LRMDA: variants seen among roughly 807,000 people sequenced by gnomAD.
LRMDA encodes leucine-rich melanocyte differentiation-associated protein.
Under a neutral mutation model 29.8 loss-of-function variants are expected in LRMDA, and 18 were observed. The ratio of observed to expected loss-of-function variants is 0.60; its 90% CI spans 0.42 to 0.90. The LOEUF (loss-of-function observed/expected upper bound fraction) is 0.90. Ranked by LOEUF, LRMDA falls within the 40% of genes least tolerant of loss-of-function variation. LRMDA has a pLI of 0.00. For missense variants in LRMDA, 273 were observed against 273.9 expected (o/e 1.00, Z 0.02); for synonymous variants, 125 against 109.4 (o/e 1.14, Z -0.89).
chr10:75,511,769 C>A (rs1845228395), intron 2 of LRMDA, among the ~76,000 whole-genome samples: 1 of 152,218 alleles, frequency 6.6e-6, no homozygotes, highest in Admixed American at 6.5e-5. Context: ...CTGTTCCCTT[C>A]ATATGAGGCA....
In LRMDA at chr10:76,542,266, C is replaced by A. The variant is rs1384703735; in HGVS notation, c.602-14943C>A. Among the ~76,000 whole-genome samples, 4 of 152,090 alleles carry A rather than the reference C, an allele frequency of 2.6e-5. No individual in the cohort carries two copies. The East Asian group carries it at 7.7e-4, about 29-fold the overall frequency. On this transcript the variant is annotated intron_variant, in intron 6 of 6. Transcript: ENST00000611255. Reference sequence around the variant, plus strand: ...TATACAGATGTAAATGTTATTATAGCTTTTATATTTTATGTTCTTGTTGAA... The same window carrying A: ...TATACAGATGTAAATGTTATTATAGATTTTATATTTTATGTTCTTGTTGAA...
At chr10:76,260,026 C>T (rs1460782902) in intron 5 of LRMDA, among the ~76,000 whole-genome samples, 1 of 151,650 alleles carries the variant, frequency 6.6e-6, no homozygotes, top group Non-Finnish European at 1.5e-5. Context: ...TTTTTTTAAA[C>T]CCATTCATCC....
At chr10:76,485,340 A>C (rs1188180886) in intron 6 of LRMDA, among the ~76,000 whole-genome samples, 1 of 151,920 alleles carries the variant, frequency 6.6e-6, no homozygotes, top group Non-Finnish European at 1.5e-5. Context: ...AGTTTGTAAT[A>C]CACGTTTACA....
chr10:75,607,099 A>G (rs901663623), intron 2 of LRMDA, among the ~76,000 whole-genome samples: 1 of 152,232 alleles, frequency 6.6e-6, no homozygotes, highest in Admixed American at 6.5e-5. Context: ...ATCAAAGTCT[A>G]CAATAGAAAT....
chr10:76,434,767 T>A (rs1198475178), intron 6 of LRMDA, among the ~76,000 whole-genome samples: 2 of 152,218 alleles, frequency 1.3e-5, no homozygotes, highest in African/African-American at 2.4e-5. Flanking sequence ...GGATGGTAAG[T>A]GATCTGTGAT....
intron 2 of LRMDA, among the ~76,000 whole-genome samples, chr10:75,487,108 A>G (rs947797712): frequency 6.6e-6 from 1 of 152,230 alleles, no homozygotes; most frequent in Non-Finnish European, 1.5e-5. Context: ...TGATAAATCA[A>G]ATGATGTGTG....
chr10:75,796,366 C>T (rs1814314811), intron 2 of LRMDA, among the ~76,000 whole-genome samples: 1 of 152,102 alleles, frequency 6.6e-6, no homozygotes, highest in Non-Finnish European at 1.5e-5. Context: ...CCTTATATTC[C>T]TAGTTTATCA....
chr10:75,636,433 G>A (rs903381374), intron 2 of LRMDA, among the ~76,000 whole-genome samples: 2 of 152,088 alleles, frequency 1.3e-5, no homozygotes, highest in African/African-American at 2.4e-5. Flanking sequence ...AGAGAATGAG[G>A]TAATGCATTT....
rs116935044 is a variant in LRMDA at position 75,895,367 on chromosome 10, G to T, written c.132-140641G>T. On this transcript the variant is annotated intron_variant, in intron 2 of 6. Coordinates refer to ENST00000611255, the MANE Select transcript of LRMDA (RefSeq NM_001305581.2). The stretch of plus-strand genomic sequence containing the variant: ...TGATTGAGCCCTCACTATATGCCAT[G>T]TGCTGTCCTTTACATCTATCATCTT... Among the ~76,000 whole-genome samples, 45 of 152,298 alleles carry T rather than the reference G, an allele frequency of 3.0e-4. No individual in the cohort carries two copies. The East Asian group carries it at 8.5e-3, about 29-fold the overall frequency.
At chr10:75,768,124 T>A (rs1843192971) in intron 2 of LRMDA, among the ~76,000 whole-genome samples, 1 of 152,224 alleles carries the variant, frequency 6.6e-6, no homozygotes, top group African/African-American at 2.4e-5. Flanking sequence ...TTTGTTGTTT[T>A]AAGCCACCAA....
chr10:76,202,472 G>A (rs1851451113), intron 5 of LRMDA, among the ~76,000 whole-genome samples: 1 of 152,028 alleles, frequency 6.6e-6, no homozygotes, highest in African/African-American at 2.4e-5. Context: ...CTCCTTGTCA[G>A]GTTTCCCTTT....
At position 75,439,568 on chromosome 10, in the gene LRMDA, G is replaced by A. The variant is rs77718066; in HGVS notation, c.131+1074G>A. On this transcript the variant is annotated intron_variant, in intron 2 of 6. Coordinates refer to ENST00000611255, the MANE Select transcript of LRMDA (RefSeq NM_001305581.2). ...GAGGATTTGTTTGAGGTCAGCCAGC[G>A]GAACTCCTTGGATGCTGCTCGGGAG... is the stretch of plus-strand genomic sequence containing the variant. Among the ~76,000 whole-genome samples, 644 of 152,276 alleles carry A rather than the reference G, an allele frequency of 4.2e-3. 8 individuals are homozygous for A. Among genetic ancestry groups the A allele is most frequent in the African/African-American group, 0.015 (621 of 41,550 alleles).
At chr10:75,853,994 C>T (rs893352065) in intron 2 of LRMDA, among the ~76,000 whole-genome samples, 2 of 152,188 alleles carry the variant, frequency 1.3e-5, no homozygotes, top group African/African-American at 2.4e-5. Flanking sequence ...CAGAGTGAGG[C>T]ATCTGTGGGC....
chr10:75,837,864 A>G (rs1172858838), intron 2 of LRMDA, among the ~76,000 whole-genome samples: 1 of 151,594 alleles, frequency 6.6e-6, no homozygotes, highest in African/African-American at 2.4e-5. Flanking sequence ...TTTCTGGTTA[A>G]GATTTCTTGA....
chr10:75,808,860 A>T (rs1280151355), intron 2 of LRMDA, among the ~76,000 whole-genome samples: 1 of 152,160 alleles, frequency 6.6e-6, no homozygotes, highest in Non-Finnish European at 1.5e-5. Context: ...ATTTCTTAGA[A>T]TACTGCTTTG....
intron 2 of LRMDA, among the ~76,000 whole-genome samples, chr10:75,983,234 T>A (rs900072434): frequency 1.6e-4 from 24 of 152,206 alleles, no homozygotes; most frequent in Non-Finnish European, 2.8e-4. Flanking sequence ...GTAGGTCCCA[T>A]TGATCAGCTA....
chr10:76,313,420 G>T (rs1347810168), intron 5 of LRMDA, among the ~76,000 whole-genome samples: 2 of 152,156 alleles, frequency 1.3e-5, no homozygotes, highest in Non-Finnish European at 2.9e-5. Flanking sequence ...TAAGTCAATT[G>T]CCCAAGATGG....
At chr10:76,457,511 G>GT (rs36082939) in intron 6 of LRMDA, among the ~76,000 whole-genome samples, 106,222 of 151,234 alleles carry the variant, frequency 0.7, 38,437 homozygotes, top group Non-Finnish European at 0.81. Context: ...ATGTGTTTGT[G>GT]TTTTTTTTGG....
chr10:75,480,617 A>G (rs1273962140), intron 2 of LRMDA, among the ~76,000 whole-genome samples: 1 of 152,254 alleles, frequency 6.6e-6, no homozygotes, highest in African/African-American at 2.4e-5. Context: ...AGGGACTTGT[A>G]AACCATTTGT....
Sources: gnomAD v4.1 joint callset for allele counts (sites outside exome capture counted in the v4.1 genomes callset) on GRCh38, gnomAD v4.1.1 for gene constraint, MANE v1.5 for transcripts, NCBI Gene and HGNC (gene_info 2026-07-23, HGNC 2026-07-21) for gene names.